The following SLIT2 variants were observed in gnomAD, a reference collection of about 807,000 sequenced individuals.
The protein encoded by SLIT2 is slit guidance ligand 2, also known as slit homolog 2 protein.
In SLIT2, 41 loss-of-function variants were observed where a neutral mutation model predicts 185.7. The ratio of observed to expected loss-of-function variants is 0.22; its 90% CI spans 0.17 to 0.29. SLIT2 has a LOEUF of 0.29. Among genes scored for constraint, SLIT2 ranks in the 10% least tolerant of loss-of-function variants. The pLI is 1.00. For missense variants in SLIT2, 1,571 were observed against 1,909.0 expected (o/e 0.82, Z 3.30); for synonymous variants, 693 against 680.2 (o/e 1.02, Z -0.29).
rs141824158 is a variant in SLIT2 at position 20,551,664 on chromosome 4, A to G, written c.2561+766A>G. Among the ~76,000 whole-genome samples the G allele has an allele frequency of 2.7e-3, 409 of 152,262 alleles. 4 individuals are homozygous for G. Among genetic ancestry groups the G allele is most frequent in the African/African-American group, 9.4e-3 (392 of 41,568 alleles). On this transcript the variant is annotated intron_variant, in intron 25 of 36. Coordinates refer to ENST00000504154, the MANE Select transcript of SLIT2 (RefSeq NM_004787.4). Reference sequence around the variant, plus strand: ...GTTGGGTGCTTGGTGGCAACTATCTATTTAACTATGCCTAAACAGCAATGT... The same window carrying G: ...GTTGGGTGCTTGGTGGCAACTATCTGTTTAACTATGCCTAAACAGCAATGT...
intron 4 of SLIT2, among the ~76,000 whole-genome samples, chr4:20,278,869 T>C (rs905993047): frequency 3.3e-5 from 5 of 151,948 alleles, no homozygotes; most frequent in Non-Finnish European, 7.4e-5. Flanking sequence ...ACTGAGTGCT[T>C]AAGAAACGTA....
chr4:20,484,918 C>T lies in SLIT2; in HGVS notation c.540-1282C>T, dbSNP rs1264064724. ...GTCTGCTTTCTTCCATCTCTCTTGC[C>T]CATCATTGTATATTTTTGCACGTGG... On this transcript the variant is annotated intron_variant, in intron 6 of 36. Coordinates refer to ENST00000504154, the MANE Select transcript of SLIT2 (RefSeq NM_004787.4). The surrounding 1 kb of genome is among the most constrained non-coding windows in gnomAD (Gnocchi z 4.3). 1.3e-5 allele frequency among the ~76,000 whole-genome samples: 2 copies of T among 152,072 alleles called. No individual in the cohort carries two copies. Among genetic ancestry groups the T allele is most frequent in the Non-Finnish European group, 2.9e-5 (2 of 68,000 alleles).
intron 4 of SLIT2, among the ~76,000 whole-genome samples, chr4:20,429,266 T>G (rs1300206916): frequency 6.6e-6 from 1 of 152,212 alleles, no homozygotes; most frequent in Non-Finnish European, 1.5e-5. Context: ...GAAATTATTT[T>G]TTTCATATGT....
At chr4:20,349,249 C>T (rs577844028) in intron 4 of SLIT2, among the ~76,000 whole-genome samples, 19 of 152,276 alleles carry the variant, frequency 1.2e-4, no homozygotes, top group African/African-American at 1.4e-4. Context: ...GTAAGATTTA[C>T]GTCCTTACTA....
At chr4:20,514,946 G>A (rs1560491708) in intron 11 of SLIT2, among the ~76,000 whole-genome samples, 1 of 152,056 alleles carries the variant, frequency 6.6e-6, no homozygotes, top group Non-Finnish European at 1.5e-5. Context: ...ATAATATTTA[G>A]TAACAATTTC....
intron 12 of SLIT2, among the ~76,000 whole-genome samples, chr4:20,522,095 C>T (rs1720892422): frequency 6.6e-6 from 1 of 152,076 alleles, no homozygotes; most frequent in Admixed American, 6.5e-5. Context: ...TTCTTTCTCT[C>T]CTTATATAAT....
At chr4:20,363,569 A>C (rs1202214509) in intron 4 of SLIT2, among the ~76,000 whole-genome samples, 6 of 152,138 alleles carry the variant, frequency 3.9e-5, no homozygotes, top group South Asian at 2.1e-4. Context: ...TTTTCTGGAA[A>C]TCTGAGGGAA....
intron 29 of SLIT2, among the ~76,000 whole-genome samples, chr4:20,587,851 T>G (rs561942393): frequency 3.2e-4 from 49 of 152,218 alleles, no homozygotes; most frequent in Non-Finnish European, 6.5e-4. Flanking sequence ...ATAAAACATT[T>G]CCCTTTATTA....
rs1160985126 is a variant in SLIT2, at chr4:20,410,243, C to CTTTTTTTTTTT, written c.396-57496_396-57486dup. ...TGGTTTTTTTTCTTTTCTTTCTTTT[C>CTTTTTTTTTTT]TTTTTTTTTTTTTTTTTTTTTTTGA... On this transcript the variant is annotated intron_variant, in intron 4 of 36. Transcript: ENST00000504154. Among the ~76,000 whole-genome samples the CTTTTTTTTTTT allele has an allele frequency of 1.7e-3, 118 of 69,052 alleles. 4 individuals carry two copies. The highest frequency in any genetic ancestry group is 2.2e-3 in the South Asian group (4 of 1,828). 45.3% of individuals were successfully genotyped at this position (69,052 alleles called of 152,430 possible). A position where few individuals can be genotyped will look rare whatever the true frequency, so the allele number is the denominator to read the frequency against.
chr4:20,480,297 T>G (rs1218028286), intron 5 of SLIT2, among the ~76,000 whole-genome samples: 1 of 152,152 alleles, frequency 6.6e-6, no homozygotes, highest in African/African-American at 2.4e-5. Context: ...AACATGCAGC[T>G]GGGCTTCTCT....
chr4:20,484,845 A>G lies in SLIT2; in HGVS notation c.540-1355A>G, dbSNP rs78278733. 1.6e-3 allele frequency among the ~76,000 whole-genome samples: 248 copies of G among 152,270 alleles called. 6 individuals are homozygous for G. The East Asian group carries it at 0.038, about 23-fold the overall frequency. ...TTGGAGCTGGAGATTATCTGCCACA[A>G]GAGAGACTATCATTGCTAGCTTACC... On this transcript the variant is annotated intron_variant, in intron 6 of 36. Transcript: ENST00000504154. The surrounding 1 kb of genome is among the most constrained non-coding windows in gnomAD (Gnocchi z 4.3).
intron 26 of SLIT2, among the ~76,000 whole-genome samples, chr4:20,556,995 A>ATTTTT (rs1724315674): frequency 6.6e-6 from 1 of 152,100 alleles, no homozygotes. Flanking sequence ...ACCCTAACCT[A>ATTTTT]AAGCAAGGCC....
intron 3 of SLIT2, 91 bp from the exon 4 acceptor site, chr4:20,268,719 A>C: frequency 1.2e-6 from 1 of 843,994 alleles, no homozygotes; most frequent in Non-Finnish European, 2.0e-6. Context: ...TCTTTTCTGA[A>C]ATACAGGATG....
At chr4:20,367,641 A>G (rs551735476) in intron 4 of SLIT2, among the ~76,000 whole-genome samples, 16 of 152,214 alleles carry the variant, frequency 1.1e-4, no homozygotes, top group Admixed American at 9.8e-4. Context: ...GAAGTGAAAG[A>G]TTTTAGCATT....
chr4:20,277,656 A>G (rs192032212), intron 4 of SLIT2, among the ~76,000 whole-genome samples: 1 of 150,778 alleles, frequency 6.6e-6, no homozygotes, highest in African/African-American at 2.4e-5. Context: ...ATGCAAGCAT[A>G]TTCTATTGGT....
chr4:20,353,423 T>C (rs1722041770), intron 4 of SLIT2, among the ~76,000 whole-genome samples: 2 of 152,182 alleles, frequency 1.3e-5, no homozygotes, highest in African/African-American at 4.8e-5. Flanking sequence ...AATTGTGATA[T>C]AATAAAGCTT....
Position 20,372,133 on chromosome 4 carries a change from C to T in SLIT2, c.396-95619C>T, listed in dbSNP as rs544733922. Among the ~76,000 whole-genome samples the T allele has an allele frequency of 6.6e-5, 10 of 152,176 alleles. No individual in the cohort carries two copies. In the South Asian group the frequency reaches 1.0e-3, roughly 16 times the overall value. On this transcript the variant is annotated intron_variant, in intron 4 of 36. Transcript: ENST00000504154. ...ATTTACTGAGTACTCTTTATAGGTA[C>T]GACACATTATGCCAGTTGTTTTTGA...
chr4:20,509,593 C>T (rs147985462), intron 9 of SLIT2, among the ~76,000 whole-genome samples: 4 of 152,186 alleles, frequency 2.6e-5, no homozygotes, highest in African/African-American at 9.6e-5. Context: ...GGAGTCAGCT[C>T]TTTGGGAGAC....
At chr4:20,586,446 A>G (rs1189662275) in intron 29 of SLIT2, among the ~76,000 whole-genome samples, 1 of 152,172 alleles carries the variant, frequency 6.6e-6, no homozygotes. Context: ...CACACTCTGG[A>G]AAAAACACAA....
Sources: allele counts gnomAD v4.1 joint callset (sites outside exome capture counted in the v4.1 genomes callset), GRCh38; gene constraint gnomAD v4.1.1; non-coding constraint Gnocchi (gnomAD v3.1); transcripts MANE v1.5; gene names NCBI Gene and HGNC (gene_info 2026-07-23, HGNC 2026-07-21).